Variants in RCCD1 observed in about 807,000 individuals in gnomAD.
RCCD1 encodes the protein RCC1 domain containing 1.
In RCCD1, 40 loss-of-function variants were observed where a neutral mutation model predicts 37.6. The ratio of observed to expected loss-of-function variants is 1.06; its 90% CI spans 0.83 to 1.39. The LOEUF is 1.39. RCCD1 is among the 40% of genes most tolerant of loss of function. RCCD1 has a pLI of 0.00. For synonymous variants in RCCD1, 263 were observed against 230.0 expected, an observed-to-expected ratio of 1.14 and a Z score of -1.30; for missense variants, 577 against 517.3, an observed-to-expected ratio of 1.12 and a Z score of -1.12.
chr15:90,957,156 G>C lies in RCCD1; in HGVS notation c.210G>C (p.Ala70=). ...TGTCGGGCTCAGCCAGCGGCGCGGC[G>C]GGCCGCTGCAAGGACGCGTGGGCCT... ...LELSGSASGA[A]GRCKDAWASE... Residue 70 remains alanine, a synonymous_variant, in exon 3 of 8, where the codon GCG becomes GCC. Transcript: ENST00000394258. 3 of 1,362,830 alleles carry C rather than the reference G, an allele frequency of 2.2e-6. No individual in the cohort carries two copies. The highest frequency in any genetic ancestry group is 1.5e-5 in the African/African-American group (1 of 65,086). 84.4% of individuals were successfully genotyped at this position (1,362,830 alleles called of 1,614,324 possible). A position where few individuals can be genotyped will look rare whatever the true frequency, so the allele number is the denominator to read the frequency against.
In RCCD1 at chr15:90,957,369, T is replaced by TGCCTACGTGAGCCCGC; in HGVS notation, c.425_440dup (p.Ala148LeufsTer72). 1 of 1,545,792 alleles carries TGCCTACGTGAGCCCGC rather than the reference T, an allele frequency of 6.5e-7. No individual in the cohort carries two copies. The highest frequency in any genetic ancestry group is 8.7e-7 in the Non-Finnish European group (1 of 1,146,044). On this transcript the variant is annotated frameshift_variant, in exon 3 of 8. Coordinates refer to ENST00000394258, the MANE Select transcript of RCCD1 (RefSeq NM_001017919.2). LOFTEE classifies it high-confidence loss of function. ...GGCTACCCCTGCTGCCCTGCGCCCG[T>TGCCTACGTGAGCCCGC]GCCTACGTGAGCCCGCGGGCGCCCT...
In RCCD1 at chr15:90,961,692, A is replaced by G. The variant is rs1348377141; in HGVS notation, c.1054A>G (p.Lys352Glu). Residue 352 changes from lysine to glutamate, a missense_variant, in exon 8 of 8, where the codon AAG becomes GAG. By Grantham distance (56) the Lys-to-Glu change is moderately conservative. Transcript: ENST00000394258. The part of the protein sequence containing the change: ...RPRRVEYFVD[K>E]QLQVKAVTCG... ...TCGCCGTGTGGAATACTTTGTAGAT[A>G]AGCAACTCCAAGTAAAGGCTGTCAC... The G allele has an allele frequency of 1.2e-6, 2 of 1,614,088 alleles. No individual in the cohort carries two copies. The highest frequency in any genetic ancestry group is 2.7e-5 in the African/African-American group (2 of 74,934).
intron 6 of RCCD1, 25 bp downstream of exon 6, chr15:90,960,523 G>A (rs202059759): frequency 2.5e-6 from 4 of 1,589,402 alleles, no homozygotes; most frequent in East Asian, 4.5e-5. Flanking sequence ...GAGGCACTCT[G>A]CTCCACTCGA....
intron 4 of RCCD1, among the ~76,000 whole-genome samples, chr15:90,958,953 CAAAAA>C (rs5814449): frequency 6.7e-5 from 9 of 134,702 alleles, no homozygotes; most frequent in Non-Finnish European, 1.3e-4. Flanking sequence ...AAAAAAAAAA[CAAAAA>C]AAAAAAACCC....
intron 1 of RCCD1, chr15:90,955,411 G>T (rs2037155254): frequency 6.6e-6 from 1 of 152,264 alleles, no homozygotes; most frequent in Non-Finnish European, 1.5e-5. Flanking sequence ...CCCACCAGAA[G>T]GACCTGCCCG....
chr15:90,955,289 C>T (rs993661176), intron 1 of RCCD1: 1 of 152,234 alleles, frequency 6.6e-6, no homozygotes, highest in Non-Finnish European at 1.5e-5. Context: ...TGATTGGCCG[C>T]CTCGCGCCGC....
At chr15:90,957,995 G>A (rs1467559184) in intron 4 of RCCD1, among the ~76,000 whole-genome samples, 2 of 152,208 alleles carry the variant, frequency 1.3e-5, no homozygotes, top group Non-Finnish European at 2.9e-5. Context: ...TCCCAGCCAG[G>A]ACTGTCTCTT....
rs1413272743 is a variant in RCCD1 at position 90,961,766 on chromosome 15, C to G, written c.1128C>G (p.Ser376Arg). 3 of 1,613,268 alleles carry G rather than the reference C, an allele frequency of 1.9e-6. No individual in the cohort carries two copies. The highest frequency in any genetic ancestry group is 2.5e-6 in the Non-Finnish European group (3 of 1,179,848). The change falls in exon 8 of 8, where the codon AGC becomes AGG. Residue 376 changes from serine to arginine, a missense_variant. Transcript: ENST00000394258. Reference sequence around the variant, plus strand: ...TGTATGCTGTGGAGAAAGGGAAGAGCTGACATGTGTACGTATATGTATATG... The same window carrying G: ...TGTATGCTGTGGAGAAAGGGAAGAGGTGACATGTGTACGTATATGTATATG... ...TYVYAVEKGK[S>R]
At chr15:90,960,246 CTGT>C in intron 5 of RCCD1, 79 bp from the exon 6 acceptor site, 1 of 1,379,464 alleles carries the variant, frequency 7.2e-7, no homozygotes, top group Non-Finnish European at 9.9e-7. Flanking sequence ...TACCTCAGAG[CTGT>C]TGTGGCAATA....
chr15:90,957,932 C>G (rs908806089), intron 4 of RCCD1, among the ~76,000 whole-genome samples: 5 of 152,330 alleles, frequency 3.3e-5, no homozygotes, highest in Non-Finnish European at 7.4e-5. Context: ...GGCATTTGTT[C>G]CTAGCTTCTC....
In RCCD1 at chr15:90,961,605, G is replaced by C; in HGVS notation, c.980-13G>C. ...CAGTGGAGACGATGGCAAAGGGGCT[G>C]ATTTCACTTTAGGTAAATATGGACA... On this transcript the variant is annotated splice_polypyrimidine_tract_variant and intron_variant, in intron 7 of 7. Transcript: ENST00000394258. 2 of 1,608,896 alleles carry C rather than the reference G, an allele frequency of 1.2e-6. No individual in the cohort carries two copies. Among genetic ancestry groups the C allele is most frequent in the Non-Finnish European group, 8.5e-7 (1 of 1,176,684 alleles).
chr15:90,957,119 G>A lies in RCCD1; in HGVS notation c.173G>A (p.Gly58Asp). The change falls in exon 3 of 8, where the codon GGC becomes GAC. Residue 58 changes from glycine to aspartate, a missense_variant. Gly to Asp is a moderately conservative substitution (Grantham distance 94). Transcript: ENST00000394258. ...GCTCCAATCCGCCCCGCAGGTGGAG[G>A]CCGCTTGGAGCTGTCGGGCTCAGCC... ...WSYTAFVTRG[G>D]RLELSGSASG... The A allele has an allele frequency of 7.4e-7, 1 of 1,344,354 alleles. No individual in the cohort carries two copies. Among genetic ancestry groups the A allele is most frequent in the Non-Finnish European group, 9.5e-7 (1 of 1,053,354 alleles). The allele number at this position is 1,344,354 out of a possible 1,614,324, so 83.3% of individuals were successfully genotyped here. A position where few individuals can be genotyped will look rare whatever the true frequency, so the allele number is the denominator to read the frequency against.
rs964561311 is a variant in RCCD1 at position 90,960,369 on chromosome 15, G to C, written c.820G>C (p.Gly274Arg). 1 of 1,613,516 alleles carries C rather than the reference G, an allele frequency of 6.2e-7. No homozygotes were observed. The highest frequency in any genetic ancestry group is 8.5e-7 in the Non-Finnish European group (1 of 1,179,802). Reference protein sequence around the residue: ...NEDGSQVKRTGGAEDGAPAPF... With the variant: ...NEDGSQVKRTRGAEDGAPAPF... ...AGATGGTTCTCAGGTGAAGAGAACGGGTGGGGCTGAGGATGGAGCCCCTGC... is the reference window on the plus strand; with the variant it reads ...AGATGGTTCTCAGGTGAAGAGAACGCGTGGGGCTGAGGATGGAGCCCCTGC... Residue 274 changes from glycine (G) to arginine (R), a missense_variant, in exon 6 of 8, where the codon GGT becomes CGT. By Grantham distance (125) the Gly-to-Arg change is moderately radical. Coordinates refer to ENST00000394258, the MANE Select transcript of RCCD1 (RefSeq NM_001017919.2).
At chr15:90,958,945 A>C (rs1251543306) in intron 4 of RCCD1, among the ~76,000 whole-genome samples, 2 of 101,724 alleles carry the variant, frequency 2.0e-5, no homozygotes, top group African/African-American at 6.0e-5. Context: ...CTAAAAAAAA[A>C]AAAAAAACAA....
intron 5 of RCCD1, 111 bp downstream of exon 5, chr15:90,960,109 C>G (rs992577307): frequency 2.0e-6 from 2 of 1,004,962 alleles, no homozygotes; most frequent in African/African-American, 3.2e-5. Context: ...AGCATGTGAG[C>G]CCCTTATGGG....
rs765823052 is a variant in RCCD1, at chr15:90,956,724, G to A, written c.-11G>A. ...AGCCAGGCGGCGGCCGGCAGAGGGC[G>A]CTGCTCGGGCATGGCGGAGGAGCGG... is the stretch of plus-strand genomic sequence containing the variant. On this transcript the variant is annotated 5_prime_UTR_variant, in exon 2 of 8. Transcript: ENST00000394258. 7.8e-7 allele frequency: 1 copy of A among 1,287,216 alleles called. No individual in the cohort carries two copies. Among genetic ancestry groups the A allele is most frequent in the South Asian group, 2.9e-5 (1 of 34,684 alleles). 79.7% of individuals were successfully genotyped at this position (1,287,216 alleles called of 1,614,324 possible).
At position 90,956,914 on chromosome 15, in the gene RCCD1, G is replaced by A. The variant is rs1355546378; in HGVS notation, c.166+14G>A. ...CTTTCGTGACCCGTGAGCACTCCCCGCCCCGTCCCCACTTATTCCAGCCGC... is the reference window on the plus strand; with the variant it reads ...CTTTCGTGACCCGTGAGCACTCCCCACCCCGTCCCCACTTATTCCAGCCGC... On this transcript the variant is annotated intron_variant, in intron 2 of 7. Transcript: ENST00000394258. 3.1e-6 allele frequency: 4 copies of A among 1,278,034 alleles called. No individual in the cohort carries two copies. The highest frequency in any genetic ancestry group is 3.9e-6 in the Non-Finnish European group (4 of 1,013,952). 79.2% of individuals were successfully genotyped at this position (1,278,034 alleles called of 1,614,324 possible). A position where few individuals can be genotyped will look rare whatever the true frequency, so the allele number is the denominator to read the frequency against.
At position 90,959,962 on chromosome 15, in the gene RCCD1, A is replaced by T; in HGVS notation, c.742A>T (p.Asn248Tyr). ...ESGQLALPTR[N>Y]LAEDGETVAR... ...AGGGCAGCTGGCCCTGCCCACCAGG[A>T]ACCTGGCAGAGGATGGAGAGACTGT... Residue 248 changes from asparagine (N) to tyrosine (Y), a missense_variant, in exon 5 of 8, where the codon AAC (asparagine) becomes TAC (tyrosine). Physicochemically the swap from Asn to Tyr is moderately radical, Grantham distance 143. Transcript: ENST00000394258. 1 of 1,613,764 alleles carries T rather than the reference A, an allele frequency of 6.2e-7. No homozygotes were observed.
rs2037345533 is a variant in RCCD1, at chr15:90,963,057, TGTG to T, written c.*1291_*1293del. The T allele has an allele frequency of 1.3e-5, 2 of 152,220 alleles. No individual in the cohort carries two copies. The highest frequency in any genetic ancestry group is 1.3e-4 in the Admixed American group (2 of 15,274). The allele number at this position is 152,220 out of a possible 1,614,324, so 9.4% of individuals were successfully genotyped here. A position where few individuals can be genotyped will look rare whatever the true frequency, so the allele number is the denominator to read the frequency against. ...TTCCCACCCATGGGGTCTTTTTTAT[TGTG>T]GTAAAATATACTGAACATAAAATTT... On this transcript the variant is annotated 3_prime_UTR_variant, in exon 8 of 8. Transcript: ENST00000394258.
Sources: gnomAD v4.1 joint callset for allele counts (sites outside exome capture counted in the v4.1 genomes callset) on GRCh38, gnomAD v4.1.1 for gene constraint, MANE v1.5 for transcripts, NCBI Gene and HGNC (gene_info 2026-07-23, HGNC 2026-07-21) for gene names.